The following SPTAN1 variants were observed in gnomAD, a reference collection of about 807,000 sequenced individuals.
SPTAN1 encodes the protein spectrin alpha chain, non-erythrocytic 1.
SPTAN1 carries 61 observed loss-of-function variants against 331.3 expected under a neutral mutation model. The ratio of observed to expected loss-of-function variants is 0.18; its 90% CI spans 0.15 to 0.23. SPTAN1 has a LOEUF of 0.23. Ranked by LOEUF, SPTAN1 falls within the 10% of genes least tolerant of loss-of-function variation. The pLI is 1.00. For synonymous variants in SPTAN1, 1,153 were observed against 1,173.9 expected (o/e 0.98, Z 0.36); for missense variants, 2,043 against 3,147.9 (o/e 0.65, Z 8.40).
Position 128,588,992 on chromosome 9 carries a change from C to T in SPTAN1, c.3006+49C>T, listed in dbSNP as rs377452105. ...TGTTTGTTCCACGCTGGCACCTCCA[C>T]GTATGCTCAGTTGGGTTTCTGTGGG... On this transcript the variant is annotated intron_variant, in intron 21 of 56. Coordinates refer to ENST00000372739, the MANE Select transcript of SPTAN1 (RefSeq NM_001130438.3). The T allele has an allele frequency of 4.9e-4, 794 of 1,607,796 alleles. 1 individual carries two copies. The highest frequency in any genetic ancestry group is 4.2e-4 in the Non-Finnish European group (492 of 1,177,840).
intron 1 of SPTAN1, chr9:128,553,030 A>G (rs1417020579): frequency 6.6e-6 from 1 of 152,282 alleles, no homozygotes; most frequent in Non-Finnish European, 1.5e-5. Flanking sequence ...CGGCTGCGGC[A>G]GGTGGGTGGG....
rs1856119806 is a variant in SPTAN1 at position 128,608,062 on chromosome 9, C to T, written c.4344+13C>T. On this transcript the variant is annotated intron_variant, in intron 33 of 56. Transcript: ENST00000372739. ...CCTTGAACTGCAGGTGTGTGTGCTC[C>T]TGGTTTCTGACCAAGTGTTTCCTTG... 6.2e-7 allele frequency: 1 copy of T among 1,614,016 alleles called. No individual in the cohort carries two copies. Among genetic ancestry groups the T allele is most frequent in the Admixed American group, 1.7e-5 (1 of 60,004 alleles).
chr9:128,579,672 T>G lies in SPTAN1; in HGVS notation c.1257T>G (p.Ser419=), dbSNP rs761261114. 2 of 1,614,188 alleles carry G rather than the reference T, an allele frequency of 1.2e-6. No homozygotes were observed. The highest frequency in any genetic ancestry group is 2.7e-5 in the African/African-American group (2 of 75,052). Reference sequence around the variant, plus strand: ...ATGCCCATGAAGACAGCTTCAAATCTGCAGATGAATCTGGACAGGCACTGC... The same window carrying G: ...ATGCCCATGAAGACAGCTTCAAATCGGCAGATGAATCTGGACAGGCACTGC... The part of the protein sequence containing the change: ...EIDAHEDSFK[S]ADESGQALLA... The change falls in exon 10 of 57, where the codon TCT becomes TCG. Residue 419 remains serine, a synonymous_variant. Coordinates refer to ENST00000372739, the MANE Select transcript of SPTAN1 (RefSeq NM_001130438.3).
chr9:128,631,364 CA>C, intron 52 of SPTAN1: 1 of 152,338 alleles, frequency 6.6e-6, no homozygotes, highest in Non-Finnish European at 1.5e-5. Context: ...GAGGCTGAGG[CA>C]GGAGAATCAC....
chr9:128,580,444 A>C (rs1367730348), intron 10 of SPTAN1, among the ~76,000 whole-genome samples: 1 of 151,956 alleles, frequency 6.6e-6, no homozygotes, highest in Non-Finnish European at 1.5e-5. Context: ...TATATGATTT[A>C]TATGTTTTTT....
At chr9:128,566,494 T>G (rs1165689682) in intron 1 of SPTAN1, among the ~76,000 whole-genome samples, 1 of 152,184 alleles carries the variant, frequency 6.6e-6, no homozygotes. Flanking sequence ...TTGGTTTCCT[T>G]GCCGTGTGTG....
intron 38 of SPTAN1, 126 bp downstream of exon 38, chr9:128,611,971 A>G (rs1028947399): frequency 1.6e-5 from 25 of 1,600,660 alleles, no homozygotes; most frequent in Non-Finnish European, 2.0e-5. Flanking sequence ...AGGCTGAATT[A>G]CAGATGGGGA....
At position 128,574,717 on chromosome 9, in the gene SPTAN1, G is replaced by A. The variant is rs1851109070; in HGVS notation, c.406G>A (p.Glu136Lys). The change falls in exon 4 of 57, where the codon GAG becomes AAG. Residue 136 changes from glutamate (E) to lysine (K), a missense_variant. Glu to Lys is a moderately conservative substitution (Grantham distance 56). Transcript: ENST00000372739. Reference sequence around the variant, plus strand: ...GCACCGCCAGTGGGAATTACTTTTGGAGAAGATGCGAGAAAAAGGAATCAA... The same window carrying A: ...GCACCGCCAGTGGGAATTACTTTTGAAGAAGATGCGAGAAAAAGGAATCAA... The part of the protein sequence containing the change: ...ELHRQWELLL[E>K]KMREKGIKLL... 1 of 1,614,164 alleles carries A rather than the reference G, an allele frequency of 6.2e-7. No homozygotes were observed. Among genetic ancestry groups the A allele is most frequent in the African/African-American group, 1.3e-5 (1 of 75,030 alleles).
At position 128,567,765 on chromosome 9, in the gene SPTAN1, CTT is replaced by C. The variant is rs988629387; in HGVS notation, c.237+799_237+800del. ...TGGTACGTAAATTATATATTTAAAA[CTT>C]TTTTTTTTTTGAGACGGAGTTTTGC... On this transcript the variant is annotated intron_variant, in intron 2 of 56. Transcript: ENST00000372739. Among the ~76,000 whole-genome samples the C allele has an allele frequency of 2.0e-5, 3 of 147,110 alleles. No homozygotes were observed. The Admixed American group carries it at 2.0e-4, about 10-fold the overall frequency.
In SPTAN1 at chr9:128,577,224, T is replaced by C; in HGVS notation, c.881T>C (p.Leu294Pro). 1 of 1,614,188 alleles carries C rather than the reference T, an allele frequency of 6.2e-7. No individual in the cohort carries two copies. Among genetic ancestry groups the C allele is most frequent in the Non-Finnish European group, 8.5e-7 (1 of 1,180,018 alleles). The stretch of plus-strand genomic sequence containing the variant: ...GACCTGGCAAGTGTTCAGGCTCTGC[T>C]TCGGAAGCACGAGGGTCTGGAGAGA... ...GRDLASVQAL[L>P]RKHEGLERDL... Residue 294 changes from leucine to proline, a missense_variant, in exon 7 of 57, where the codon CTT becomes CCT. Physicochemically the swap from Leu to Pro is moderately conservative, Grantham distance 98 (BLOSUM62 -3). Around this residue, in one of 12 missense-constraint regions of SPTAN1, gnomAD observed 1,038 missense variants for 1,531.5 expected, o/e 0.68. Coordinates refer to ENST00000372739, the MANE Select transcript of SPTAN1 (RefSeq NM_001130438.3). The surrounding 1 kb of genome is among the most constrained non-coding windows in gnomAD (Gnocchi z 4.2).
Position 128,632,900 on chromosome 9 carries a change from T to G in SPTAN1, c.7253T>G (p.Phe2418Cys). ...TCCAGCGAGGAGATTGAGAGCGCCTTCCGGGCCCTCAGCTCAGAGGGAAAG... is the reference window on the plus strand; with the variant it reads ...TCCAGCGAGGAGATTGAGAGCGCCTGCCGGGCCCTCAGCTCAGAGGGAAAG... ...VKSSEEIESA[F>C]RALSSEGKPY... Residue 2418 changes from phenylalanine (F) to cysteine (C), a missense_variant, in exon 56 of 57, where the codon TTC (phenylalanine) becomes TGC (cysteine). Coordinates refer to ENST00000372739, the MANE Select transcript of SPTAN1 (RefSeq NM_001130438.3). 1 of 1,613,814 alleles carries G rather than the reference T, an allele frequency of 6.2e-7. No homozygotes were observed. The highest frequency in any genetic ancestry group is 8.5e-7 in the Non-Finnish European group (1 of 1,180,030).
chr9:128,590,124 T>C (rs1853277397), intron 21 of SPTAN1, among the ~76,000 whole-genome samples: 1 of 152,244 alleles, frequency 6.6e-6, no homozygotes, highest in Admixed American at 6.5e-5. Flanking sequence ...GAAATGTCCT[T>C]GGCCATTTTT....
At chr9:128,624,581 A>C (rs563650979) in intron 46 of SPTAN1, 94 bp downstream of exon 46, 1,066 of 1,479,712 alleles carry the variant, frequency 7.2e-4, no homozygotes, top group Non-Finnish European at 5.9e-4. Flanking sequence ...GAAGAAACTG[A>C]TCAATTGTGG....
intron 12 of SPTAN1, 49 bp from the exon 13 acceptor site, chr9:128,582,429 GC>G: frequency 6.5e-7 from 1 of 1,548,602 alleles, no homozygotes; most frequent in Non-Finnish European, 8.9e-7. Context: ...CAGAGGCCAA[GC>G]TTGGGACTAG....
At chr9:128,598,820 A>G (rs1854660192) in intron 25 of SPTAN1, 143 bp from the exon 26 acceptor site, 1 of 763,302 alleles carries the variant, frequency 1.3e-6, no homozygotes, top group African/African-American at 1.8e-5. Flanking sequence ...TAAATACTTG[A>G]AGCTCTGCTG....
At chr9:128,622,601 C>T (rs545019546) in intron 45 of SPTAN1, among the ~76,000 whole-genome samples, 84 of 151,662 alleles carry the variant, frequency 5.5e-4, no homozygotes, top group African/African-American at 2.0e-3. Flanking sequence ...CCCCGGCCAG[C>T]GAGCCGGCTG....
At chr9:128,602,434 A>G (rs1855294610) in intron 27 of SPTAN1, among the ~76,000 whole-genome samples, 1 of 150,648 alleles carries the variant, frequency 6.6e-6, no homozygotes, top group Non-Finnish European at 1.5e-5. Flanking sequence ...CCAGGCTGGT[A>G]TTGATCTCCT....
chr9:128,576,926 T>C lies in SPTAN1; in HGVS notation c.755T>C (p.Phe252Ser), dbSNP rs199777847. The C allele has an allele frequency of 2.5e-6, 4 of 1,614,048 alleles. No individual in the cohort carries two copies. Among genetic ancestry groups the C allele is most frequent in the South Asian group, 1.1e-5 (1 of 91,070 alleles). ...GLALQRQGKL[F>S]GAAEVQRFNR... is the part of the protein sequence containing the mutation. The stretch of plus-strand genomic sequence containing the variant: ...GCTCTGCAGAGGCAGGGGAAGCTCT[T>C]TGGGGCAGCAGAAGTTCAGCGCTTT... The change falls in exon 6 of 57, where the codon TTT becomes TCT. Residue 252 changes from phenylalanine to serine, a missense_variant. This residue lies in a region of SPTAN1 where 1,038 missense variants were observed against 1,531.5 expected (regional missense o/e 0.68). Coordinates refer to ENST00000372739, the MANE Select transcript of SPTAN1 (RefSeq NM_001130438.3).
rs771927052 is a variant in SPTAN1 at position 128,582,594 on chromosome 9, A to G, written c.1650+38A>G. The stretch of plus-strand genomic sequence containing the variant: ...GTTCTTCATGCTCCTCCTTTTTGGT[A>G]CATGAATGTCTCTTCTAAGATGTTC... On this transcript the variant is annotated intron_variant, in intron 13 of 56. Transcript: ENST00000372739. 7.4e-6 allele frequency: 12 copies of G among 1,611,388 alleles called. No homozygotes were observed. The African/African-American group carries it at 1.1e-4, about 14-fold the overall frequency.
Sources: gnomAD v4.1 joint callset for allele counts (sites outside exome capture counted in the v4.1 genomes callset) on GRCh38, gnomAD v4.1.1 for gene constraint, gnomAD v4.1.1 regional missense constraint, Gnocchi (gnomAD v3.1) non-coding constraint, MANE v1.5 for transcripts, NCBI Gene and HGNC (gene_info 2026-07-23, HGNC 2026-07-21) for gene names.